The following LRRC17 variants were observed in gnomAD, a reference collection of about 807,000 sequenced individuals.
The protein encoded by LRRC17 is leucine-rich repeat-containing protein 17.
Under a neutral mutation model 41.5 loss-of-function variants are expected in LRRC17, and 33 were observed. The observed-to-expected ratio is 0.80, with a 90% confidence interval of 0.60 to 1.06. The LOEUF (loss-of-function observed/expected upper bound fraction) is 1.06, where lower values mean the gene tolerates loss of function less well. Among genes scored for constraint, LRRC17 ranks in the 50% least tolerant of loss-of-function variants. LRRC17 has a pLI of 0.00. For synonymous variants in LRRC17, 192 were observed against 197.0 expected, an observed-to-expected ratio of 0.97 and a Z score of 0.21; for missense variants, 491 against 519.3, an observed-to-expected ratio of 0.95 and a Z score of 0.53.
At chr7:102,920,625 C>G (rs1386156806) in intron 1 of LRRC17, among the ~76,000 whole-genome samples, 1 of 151,984 alleles carries the variant, frequency 6.6e-6, no homozygotes, top group Non-Finnish European at 1.5e-5. Context: ...TGCTGGGTTA[C>G]AGCAAGCCAC....
At chr7:102,941,262 T>C (rs1235937319) in intron 3 of LRRC17, among the ~76,000 whole-genome samples, 1 of 152,164 alleles carries the variant, frequency 6.6e-6, no homozygotes, top group Admixed American at 6.5e-5. Flanking sequence ...ATTACATTAG[T>C]GTGCAAGTCA....
chr7:102,938,985 T>G (rs995991278), intron 2 of LRRC17, among the ~76,000 whole-genome samples: 3 of 152,224 alleles, frequency 2.0e-5, no homozygotes, highest in Admixed American at 2.0e-4. Context: ...GTCAGGGTGT[T>G]CTCATAAACA....
intron 1 of LRRC17, among the ~76,000 whole-genome samples, chr7:102,914,714 C>T (rs529944889): frequency 3.9e-5 from 6 of 152,268 alleles, no homozygotes; most frequent in Admixed American, 1.3e-4. Context: ...TTCGACAGAG[C>T]GAGGGGGAAG....
chr7:102,922,773 C>A (rs578140470), intron 1 of LRRC17, among the ~76,000 whole-genome samples: 2 of 151,978 alleles, frequency 1.3e-5, no homozygotes, highest in Admixed American at 6.6e-5. Context: ...GAGATCGAGA[C>A]CATCCTGGCT....
intron 1 of LRRC17, among the ~76,000 whole-genome samples, chr7:102,920,279 T>A (rs1816726947): frequency 6.6e-6 from 1 of 152,220 alleles, no homozygotes; most frequent in Admixed American, 6.5e-5. Context: ...GTAAACATAG[T>A]TCACAGAGCA....
intron 1 of LRRC17, among the ~76,000 whole-genome samples, chr7:102,922,950 C>T (rs1026681298): frequency 2.6e-5 from 4 of 152,034 alleles, no homozygotes; most frequent in Non-Finnish European, 4.4e-5. Flanking sequence ...TGCACTCCAG[C>T]CTGGGCGACA....
At chr7:102,930,409 A>C (rs1444600124) in intron 1 of LRRC17, among the ~76,000 whole-genome samples, 1 of 151,944 alleles carries the variant, frequency 6.6e-6, no homozygotes, top group Non-Finnish European at 1.5e-5. Flanking sequence ...TTTTCCTTCT[A>C]CCACTCTCTA....
intron 1 of LRRC17, among the ~76,000 whole-genome samples, chr7:102,926,920 T>A (rs1438355039): frequency 6.6e-6 from 1 of 152,186 alleles, no homozygotes; most frequent in African/African-American, 2.4e-5. Context: ...ACCAGATTTA[T>A]GGTAAGTTTG....
At chr7:102,918,411 T>C (rs1816327279) in intron 1 of LRRC17, among the ~76,000 whole-genome samples, 1 of 152,168 alleles carries the variant, frequency 6.6e-6, no homozygotes, top group Non-Finnish European at 1.5e-5. Flanking sequence ...CCTAAGAAGA[T>C]ATGCATAGCT....
chr7:102,926,960 A>T (rs942617096), intron 1 of LRRC17, among the ~76,000 whole-genome samples: 2 of 152,198 alleles, frequency 1.3e-5, no homozygotes, highest in Non-Finnish European at 2.9e-5. Flanking sequence ...GAGGCTACAT[A>T]CCAGTTGGGC....
intron 1 of LRRC17, among the ~76,000 whole-genome samples, chr7:102,920,247 C>T (rs974685042): frequency 2.4e-4 from 37 of 152,128 alleles, no homozygotes; most frequent in African/African-American, 7.5e-4. Context: ...ATGTACCTTT[C>T]GAATACCTTC....
At chr7:102,918,588 A>T (rs1257722797) in intron 1 of LRRC17, among the ~76,000 whole-genome samples, 1 of 152,166 alleles carries the variant, frequency 6.6e-6, no homozygotes, top group Non-Finnish European at 1.5e-5. Context: ...AGCTGAAGCA[A>T]GAGGATTGCC....
intron 1 of LRRC17, 54 bp downstream of exon 1, chr7:102,913,199 G>A: frequency 8.7e-6 from 14 of 1,614,154 alleles, no homozygotes; most frequent in Non-Finnish European, 1.2e-5. Context: ...CTAAGATTCT[G>A]TAAGTTGTGG....
chr7:102,928,599 C>T (rs1430180228), intron 1 of LRRC17, among the ~76,000 whole-genome samples: 1 of 152,198 alleles, frequency 6.6e-6, no homozygotes, highest in Non-Finnish European at 1.5e-5. Flanking sequence ...TTTGACTTCC[C>T]TATTAGAGGG....
At chr7:102,929,237 AAATTACTAAAGGAG>A (rs1269088699) in intron 1 of LRRC17, among the ~76,000 whole-genome samples, 1 of 152,210 alleles carries the variant, frequency 6.6e-6, no homozygotes, top group East Asian at 1.9e-4. Flanking sequence ...TCATGGGGAA[AAATTACTAAAGGAG>A]GATTTTCAAA....
At chr7:102,924,095 G>A (rs566105131) in intron 1 of LRRC17, among the ~76,000 whole-genome samples, 4 of 151,766 alleles carry the variant, frequency 2.6e-5, no homozygotes, top group African/African-American at 9.7e-5. Context: ...AAAATTAGCC[G>A]GGTGTGGTGG....
chr7:102,916,272 C>T (rs1304484682), intron 1 of LRRC17, among the ~76,000 whole-genome samples: 1 of 152,190 alleles, frequency 6.6e-6, no homozygotes, highest in African/African-American at 2.4e-5. Flanking sequence ...TAGGCATTAA[C>T]CAGTGCAACT....
chr7:102,941,861 C>T (rs1821521071), intron 3 of LRRC17, among the ~76,000 whole-genome samples: 1 of 151,834 alleles, frequency 6.6e-6, no homozygotes, highest in Non-Finnish European at 1.5e-5. Context: ...ACAAAGAAAA[C>T]TTGAGAAAAA....
chr7:102,932,001 T>C, intron 1 of LRRC17: 1 of 1,409,296 alleles, frequency 7.1e-7, no homozygotes, highest in Non-Finnish European at 1.0e-6. Flanking sequence ...TTTTCTATCT[T>C]ACATTGAATG....
Sources: allele counts gnomAD v4.1 joint callset (sites outside exome capture counted in the v4.1 genomes callset), GRCh38; gene constraint gnomAD v4.1.1; transcripts MANE v1.5; gene names NCBI Gene and HGNC (gene_info 2026-07-23, HGNC 2026-07-21).